CCND1: variants seen among roughly 807,000 people sequenced by gnomAD.
The protein encoded by CCND1 is G1/S-specific cyclin-D1.
Under a neutral mutation model 26.1 loss-of-function variants are expected in CCND1, and 9 were observed. The observed-to-expected ratio is 0.35, with a 90% CI of 0.21 to 0.60. CCND1 has a LOEUF of 0.60. CCND1 is among the 20% of genes least tolerant of loss of function. CCND1 has a pLI of 0.79. For missense variants in CCND1, 335 were observed against 392.9 expected (o/e 0.85, Z 1.25); for synonymous variants, 194 against 166.1 (o/e 1.17, Z -1.29).
chr11:69,651,054 C>CA (rs1855847094), intron 4 of CCND1, 64 bp from the exon 5 acceptor site: 1 of 1,490,760 alleles, frequency 6.7e-7, no homozygotes. Flanking sequence ...TGGGAAGGGG[C>CA]CCTCGCTGCA....
intron 1 of CCND1, among the ~76,000 whole-genome samples, chr11:69,642,368 A>G (rs1275399254): frequency 2.0e-5 from 3 of 151,840 alleles, no homozygotes; most frequent in Non-Finnish European, 4.4e-5. Context: ...GTATTTTAAA[A>G]TAATTTTTGA....
chr11:69,649,939 G>A (rs762293300), intron 4 of CCND1, among the ~76,000 whole-genome samples: 1 of 152,202 alleles, frequency 6.6e-6, no homozygotes, highest in Non-Finnish European at 1.5e-5. Flanking sequence ...CAGCCAGCCC[G>A]GCCAGCTTCA....
In CCND1 at chr11:69,654,336, T is replaced by G; in HGVS notation, c.*3054T>G. ...GTCCTGTGACGCGCAAGTCTGAGGG[T>G]CTGGGCGGCGGGCGGCTGGGTCTGT... On this transcript the variant is annotated 3_prime_UTR_variant, in exon 5 of 5. Transcript: ENST00000227507. This position sits in a 1 kb window ranked among gnomAD's most constrained non-coding sequence, Gnocchi z 6.3. The G allele has an allele frequency of 2.8e-6, 2 of 702,388 alleles. No homozygotes were observed. The highest frequency in any genetic ancestry group is 5.2e-6 in the Non-Finnish European group (2 of 384,970). 43.5% of individuals were successfully genotyped at this position (702,388 alleles called of 1,614,324 possible).
At position 69,647,185 on chromosome 11, in the gene CCND1, G is replaced by A. The variant is rs142610502; in HGVS notation, c.575-809G>A. 1.1e-4 allele frequency among the ~76,000 whole-genome samples: 16 copies of A among 152,360 alleles called. No individual in the cohort carries two copies. The East Asian group carries it at 1.3e-3, about 13-fold the overall frequency. On this transcript the variant is annotated intron_variant, in intron 3 of 4. Transcript: ENST00000227507. ...CTGGAATTGTTGGGCTACATCAGAC[G>A]GCCCAGAAAAGTGTTTTTGTCATCG...
At chr11:69,649,925 T>C (rs1191757652) in intron 4 of CCND1, among the ~76,000 whole-genome samples, 1 of 152,224 alleles carries the variant, frequency 6.6e-6, no homozygotes, top group Non-Finnish European at 1.5e-5. Context: ...TGGGACTGTT[T>C]GTGCAGCCAG....
intron 3 of CCND1, 58 bp from the exon 4 acceptor site, chr11:69,647,935 CG>C (rs1590915271): frequency 1.3e-6 from 2 of 1,587,386 alleles, no homozygotes; most frequent in South Asian, 1.1e-5. Flanking sequence ...GCCCGGATCA[CG>C]GGGGCCCTGA....
intron 1 of CCND1, 74 bp downstream of exon 1, chr11:69,641,585 AC>A: frequency 5.9e-6 from 8 of 1,348,034 alleles, no homozygotes; most frequent in Admixed American, 5.2e-5. Context: ...TTTGCTACTC[AC>A]CCCCCTCCCT....
rs748455804 is a variant in CCND1, at chr11:69,654,108, G to A, written c.*2826G>A. ...TCATCCTGTGCTCGGAGGCCATCTC[G>A]GGCACAGGCCCACCCCGCCCCACCC... On this transcript the variant is annotated 3_prime_UTR_variant, in exon 5 of 5. Transcript: ENST00000227507. This position sits in a 1 kb window ranked among gnomAD's most constrained non-coding sequence, Gnocchi z 6.3. The A allele has an allele frequency of 2.4e-5, 16 of 656,788 alleles. No homozygotes were observed. Among genetic ancestry groups the A allele is most frequent in the South Asian group, 1.4e-4 (8 of 59,006 alleles). 40.7% of individuals were successfully genotyped at this position (656,788 alleles called of 1,614,324 possible). A position where few individuals can be genotyped will look rare whatever the true frequency, so the allele number is the denominator to read the frequency against.
In CCND1 at chr11:69,643,963, G is replaced by C. The variant is rs141880768; in HGVS notation, c.546G>C (p.Ala182=). The C allele has an allele frequency of 6.2e-7, 1 of 1,613,402 alleles. No homozygotes were observed. Among genetic ancestry groups the C allele is most frequent in the Non-Finnish European group, 8.5e-7 (1 of 1,180,006 alleles). Residue 182 remains alanine (A), a synonymous_variant, in exon 3 of 5, where the codon GCG becomes GCC. Transcript: ENST00000227507. ...EENKQIIRKH[A]QTFVALCATD... is the part of the protein sequence containing the mutation. ...ACAAACAGATCATCCGCAAACACGC[G>C]CAGACCTTCGTTGCCCTCTGTGCCA...
chr11:69,650,035 TG>T (rs1855835009), intron 4 of CCND1, among the ~76,000 whole-genome samples: 2 of 152,180 alleles, frequency 1.3e-5, no homozygotes, highest in Non-Finnish European at 1.5e-5. Flanking sequence ...GTGACCTCAG[TG>T]GTCCACCTAA....
rs746479078 is a variant in CCND1, at chr11:69,651,067, C to T, written c.724-51C>T. 3 of 1,566,884 alleles carry T rather than the reference C, an allele frequency of 1.9e-6. No homozygotes were observed. The African/African-American group carries it at 4.1e-5, about 22-fold the overall frequency. On this transcript the variant is annotated intron_variant, in intron 4 of 4. Transcript: ENST00000227507. ...CCTGGGAAGGGGCCCTCGCTGCAGG[C>T]CCCTTCTAAGGACCCCCTCTTCCCA...
At position 69,647,210 on chromosome 11, in the gene CCND1, G is replaced by T. The variant is rs529600750; in HGVS notation, c.575-784G>T. On this transcript the variant is annotated intron_variant, in intron 3 of 4. Coordinates refer to ENST00000227507, the MANE Select transcript of CCND1 (RefSeq NM_053056.3). The stretch of plus-strand genomic sequence containing the variant: ...GGCCCAGAAAAGTGTTTTTGTCATC[G>T]GCCAGAAATAGGAGAGTTGTGAGTA... Among the ~76,000 whole-genome samples, 4 of 152,122 alleles carry T rather than the reference G, an allele frequency of 2.6e-5. No homozygotes were observed. In the East Asian group the frequency reaches 7.7e-4, roughly 29 times the overall value.
intron 2 of CCND1, 58 bp from the exon 3 acceptor site, chr11:69,643,774 C>T (rs2120092693): frequency 6.5e-7 from 1 of 1,542,964 alleles, no homozygotes; most frequent in Non-Finnish European, 8.8e-7. Context: ...TGCCGGCTTC[C>T]CCGCGCCCCC....
Position 69,643,012 on chromosome 11 carries a change from G to C in CCND1, c.199-19G>C, listed in dbSNP as rs766595231. ...GGCGCGACCTGGCGGCGGCGGTCACGGGCCCCGTGCCTCCGTAGGTCTGCG... is the reference window on the plus strand; with the variant it reads ...GGCGCGACCTGGCGGCGGCGGTCACCGGCCCCGTGCCTCCGTAGGTCTGCG... On this transcript the variant is annotated intron_variant, in intron 1 of 4. Coordinates refer to ENST00000227507, the MANE Select transcript of CCND1 (RefSeq NM_053056.3). 7.2e-6 allele frequency: 11 copies of C among 1,525,136 alleles called. No individual in the cohort carries two copies. In the Admixed American group the frequency reaches 1.8e-4, roughly 24 times the overall value. 94.5% of individuals were successfully genotyped at this position (1,525,136 alleles called of 1,614,324 possible). A position where few individuals can be genotyped will look rare whatever the true frequency, so the allele number is the denominator to read the frequency against.
At position 69,641,313 on chromosome 11, in the gene CCND1, C is replaced by T. The variant is rs1239263724; in HGVS notation, c.-1C>T. On this transcript the variant is annotated 5_prime_UTR_variant, in exon 1 of 5. Transcript: ENST00000227507. ...CCAGCTGCCCAGGAAGAGCCCCAGC[C>T]ATGGAACACCAGCTCCTGTGCTGCG... 1.2e-6 allele frequency: 2 copies of T among 1,611,066 alleles called. No homozygotes were observed.
Position 69,652,041 on chromosome 11 carries a change from G to T in CCND1, c.*759G>T, listed in dbSNP as rs1184825768. On this transcript the variant is annotated 3_prime_UTR_variant, in exon 5 of 5. Transcript: ENST00000227507. Reference sequence around the variant, plus strand: ...TCCAGTGACAAACCATCCAGTGGAGGTTTGTCGGGCACCAGCCAGCGTAGC... The same window carrying T: ...TCCAGTGACAAACCATCCAGTGGAGTTTTGTCGGGCACCAGCCAGCGTAGC... The T allele has an allele frequency of 8.6e-6, 2 of 233,228 alleles. No homozygotes were observed. The highest frequency in any genetic ancestry group is 1.7e-5 in the Non-Finnish European group (2 of 118,050). 14.4% of individuals were successfully genotyped at this position (233,228 alleles called of 1,614,324 possible). A position where few individuals can be genotyped will look rare whatever the true frequency, so the allele number is the denominator to read the frequency against.
chr11:69,643,520 G>C (rs1473101622), intron 2 of CCND1, among the ~76,000 whole-genome samples: 1 of 152,254 alleles, frequency 6.6e-6, no homozygotes, highest in Non-Finnish European at 1.5e-5. Context: ...TCCAGCGGCT[G>C]CACGAGGAGC....
intron 3 of CCND1, 179 bp downstream of exon 3, chr11:69,644,170 G>A: frequency 1.5e-6 from 1 of 651,536 alleles, no homozygotes; most frequent in Non-Finnish European, 2.7e-6. Flanking sequence ...TTGTCGCGCT[G>A]GATGGAGGGA....
Position 69,653,195 on chromosome 11 carries a change from G to T in CCND1, c.*1913G>T. Reference sequence around the variant, plus strand: ...TGAGGAGGAGGCTCCCGAGGGGAAGGGGCGGTGCCCACACCGGGGACAGGC... The same window carrying T: ...TGAGGAGGAGGCTCCCGAGGGGAAGTGGCGGTGCCCACACCGGGGACAGGC... On this transcript the variant is annotated 3_prime_UTR_variant, in exon 5 of 5. Transcript: ENST00000227507. The T allele has an allele frequency of 1.5e-6, 1 of 680,818 alleles. No homozygotes were observed. The highest frequency in any genetic ancestry group is 2.7e-6 in the Non-Finnish European group (1 of 374,582). 42.2% of individuals were successfully genotyped at this position (680,818 alleles called of 1,614,324 possible).
Sources: allele counts gnomAD v4.1 joint callset (sites outside exome capture counted in the v4.1 genomes callset), GRCh38; gene constraint gnomAD v4.1.1; non-coding constraint Gnocchi (gnomAD v3.1); transcripts MANE v1.5; gene names NCBI Gene and HGNC (gene_info 2026-07-23, HGNC 2026-07-21).